The following ZNF423 variants were observed in gnomAD, a reference collection of about 807,000 sequenced individuals.
ZNF423 encodes the protein zinc finger protein 423.
In ZNF423, 12 loss-of-function variants were observed where a neutral mutation model predicts 95.8. The observed-to-expected ratio is 0.13, with a 90% CI of 0.08 to 0.20. The LOEUF (loss-of-function observed/expected upper bound fraction) is 0.20, where lower values mean the gene tolerates loss of function less well. Among genes scored for constraint, ZNF423 ranks in the 10% least tolerant of loss-of-function variants. The probability of loss-of-function intolerance (pLI) is 1.00; values close to 1 mark genes in which losing one functional copy is unlikely to be tolerated. For missense variants in ZNF423, 1,316 were observed against 1,737.1 expected, an observed-to-expected ratio of 0.76 and a Z score of 4.31; for synonymous variants, 749 against 711.9, an observed-to-expected ratio of 1.05 and a Z score of -0.83.
chr16:49,615,958 C>T (rs543127742), intron 5 of ZNF423, among the ~76,000 whole-genome samples: 2 of 152,288 alleles, frequency 1.3e-5, no homozygotes, highest in Admixed American at 1.3e-4. Flanking sequence ...GTTTCATTTT[C>T]ACCTTGCTCC....
intron 2 of ZNF423, among the ~76,000 whole-genome samples, chr16:49,787,624 C>G (rs2034337098): frequency 6.6e-6 from 1 of 152,212 alleles, no homozygotes; most frequent in African/African-American, 2.4e-5. Context: ...AGTTCCCTAG[C>G]ACCAACACCA....
intron 2 of ZNF423, among the ~76,000 whole-genome samples, chr16:49,767,450 T>C (rs2033950978): frequency 6.6e-6 from 1 of 152,184 alleles, no homozygotes; most frequent in African/African-American, 2.4e-5. Context: ...ATCATCACAC[T>C]GATTCATATG....
intron 5 of ZNF423, among the ~76,000 whole-genome samples, chr16:49,623,746 C>G (rs751956233): frequency 4.6e-5 from 7 of 152,170 alleles, no homozygotes; most frequent in Admixed American, 6.5e-5. Context: ...CCCTCCTCCC[C>G]ACTCTCCGCC....
At chr16:49,717,815 G>A (rs2032752050) in intron 3 of ZNF423, among the ~76,000 whole-genome samples, 1 of 152,074 alleles carries the variant, frequency 6.6e-6, no homozygotes. Context: ...GCAACACACA[G>A]AACAGACACT....
intron 5 of ZNF423, among the ~76,000 whole-genome samples, chr16:49,619,257 G>T (rs936711294): frequency 6.6e-6 from 1 of 151,926 alleles, no homozygotes; most frequent in African/African-American, 2.4e-5. Context: ...CTGGGTTAGC[G>T]GCCCCTCACA....
chr16:49,635,991 G>A lies in ZNF423; in HGVS notation c.3185C>T (p.Ser1062Phe). 3 of 1,602,122 alleles carry A rather than the reference G, an allele frequency of 1.9e-6. No individual in the cohort carries two copies. The highest frequency in any genetic ancestry group is 2.6e-6 in the Non-Finnish European group (3 of 1,172,458). Reference sequence around the variant, plus strand: ...CTTCTGCAGCCCCTGGCCATTGGGGGAGGACGCCGCTGAGCTGCCCGCCAG... The same window carrying A: ...CTTCTGCAGCCCCTGGCCATTGGGGAAGGACGCCGCTGAGCTGCCCGCCAG... ...QKLAGSSAASSPNGQGLQKLY... is the reference protein window; with the variant it reads ...QKLAGSSAASFPNGQGLQKLY... The change falls in exon 4 of 8, where the codon TCC becomes TTC. Residue 1062 changes from serine (S) to phenylalanine (F), a missense_variant. Ser to Phe is a radical substitution (Grantham distance 155). Transcript: ENST00000563137. The surrounding 1 kb of genome is among the most constrained non-coding windows in gnomAD (Gnocchi z 4.8).
intron 5 of ZNF423, among the ~76,000 whole-genome samples, chr16:49,599,272 C>A (rs1489561878): frequency 6.6e-6 from 1 of 152,172 alleles, no homozygotes; most frequent in Non-Finnish European, 1.5e-5. Context: ...TACTTGGCAG[C>A]CCTTAAAACT....
At chr16:49,794,042 TC>T (rs1408118408) in intron 1 of ZNF423, among the ~76,000 whole-genome samples, 12 of 152,026 alleles carry the variant, frequency 7.9e-5, no homozygotes, top group Non-Finnish European at 1.6e-4. Context: ...TCTCTCTCTC[TC>T]TCTCGCTCTC....
intron 5 of ZNF423, among the ~76,000 whole-genome samples, chr16:49,549,847 T>G (rs1969573636): frequency 6.6e-6 from 1 of 152,146 alleles, no homozygotes; most frequent in Non-Finnish European, 1.5e-5. Flanking sequence ...TAAGCTACTC[T>G]GTACTTTTCA....
chr16:49,826,363 C>T (rs1273709915), intron 1 of ZNF423, among the ~76,000 whole-genome samples: 1 of 152,214 alleles, frequency 6.6e-6, no homozygotes, highest in Non-Finnish European at 1.5e-5. Context: ...AAGCTCTCAA[C>T]ATGGCCAGGG....
intron 5 of ZNF423, among the ~76,000 whole-genome samples, chr16:49,620,725 G>A (rs1253900664): frequency 6.6e-6 from 1 of 152,136 alleles, no homozygotes; most frequent in African/African-American, 2.4e-5. Flanking sequence ...CACTCCCTTG[G>A]GGCCAACCTG....
At chr16:49,645,837 G>A (rs1401240834) in intron 3 of ZNF423, among the ~76,000 whole-genome samples, 1 of 152,164 alleles carries the variant, frequency 6.6e-6, no homozygotes, top group Non-Finnish European at 1.5e-5. Context: ...GTTGTATTAA[G>A]GGGCTTCCCT....
chr16:49,602,983 CG>C (rs1185827615), intron 5 of ZNF423, among the ~76,000 whole-genome samples: 2 of 152,220 alleles, frequency 1.3e-5, no homozygotes, highest in African/African-American at 2.4e-5. Context: ...GCAGCGCCCG[CG>C]TGGAGCCCTG....
chr16:49,692,559 G>A (rs1278923154), intron 3 of ZNF423, among the ~76,000 whole-genome samples: 1 of 152,206 alleles, frequency 6.6e-6, no homozygotes, highest in Non-Finnish European at 1.5e-5. Context: ...GCAGGGTGGA[G>A]ACTGAGAAGC....
intron 7 of ZNF423, among the ~76,000 whole-genome samples, chr16:49,504,639 C>A (rs1203502093): frequency 6.6e-6 from 1 of 152,174 alleles, no homozygotes; most frequent in Non-Finnish European, 1.5e-5. Flanking sequence ...AGGGTTGCTG[C>A]ACCAATAGCT....
intron 5 of ZNF423, among the ~76,000 whole-genome samples, chr16:49,577,819 G>C (rs891141644): frequency 6.6e-6 from 1 of 152,192 alleles, no homozygotes; most frequent in Non-Finnish European, 1.5e-5. Flanking sequence ...GGTGCAAGAG[G>C]CCTCTCCAGG....
At chr16:49,852,849 G>A (rs1002229885) in intron 1 of ZNF423, among the ~76,000 whole-genome samples, 8 of 151,862 alleles carry the variant, frequency 5.3e-5, no homozygotes, top group Non-Finnish European at 7.4e-5. Context: ...AACACACTGC[G>A]GGGACAAGGG....
chr16:49,600,010 A>G (rs1328752140), intron 5 of ZNF423, among the ~76,000 whole-genome samples: 1 of 152,176 alleles, frequency 6.6e-6, no homozygotes, highest in Admixed American at 6.5e-5. Context: ...CACTGTATGT[A>G]AGTTAAGCCT....
At chr16:49,843,193 A>G (rs2035209029) in intron 1 of ZNF423, among the ~76,000 whole-genome samples, 1 of 152,184 alleles carries the variant, frequency 6.6e-6, no homozygotes, top group South Asian at 2.1e-4. Flanking sequence ...CTCAAACAAG[A>G]ACACAAAGGT....
Sources: allele counts gnomAD v4.1 joint callset (sites outside exome capture counted in the v4.1 genomes callset), GRCh38; gene constraint gnomAD v4.1.1; non-coding constraint Gnocchi (gnomAD v3.1); transcripts MANE v1.5; gene names NCBI Gene and HGNC (gene_info 2026-07-23, HGNC 2026-07-21).